The following ADGB variants were observed in gnomAD, a reference collection of about 807,000 sequenced individuals.
ADGB encodes androglobin.
In ADGB, 172 loss-of-function variants were observed where a neutral mutation model predicts 210.5. The ratio of observed to expected loss-of-function variants is 0.82; its 90% CI spans 0.72 to 0.93. ADGB has a LOEUF of 0.93. ADGB is among the 40% of genes least tolerant of loss of function. The pLI is 0.00. For synonymous variants in ADGB, 658 were observed against 662.7 expected, an observed-to-expected ratio of 0.99 and a Z score of 0.11; for missense variants, 2,025 against 1,964.8, an observed-to-expected ratio of 1.03 and a Z score of -0.58.
At chr6:146,657,314 A>G (rs1775799566) in intron 5 of ADGB, among the ~76,000 whole-genome samples, 1 of 63,374 alleles carries the variant, frequency 1.6e-5, no homozygotes, top group Admixed American at 1.8e-4. Flanking sequence ...AACAAGAGCA[A>G]AACTCCAAAA....
rs776804279 is a variant in ADGB, at chr6:146,807,621, G to A, written c.4818+5610G>A. On this transcript the variant is annotated intron_variant, in intron 35 of 35. Coordinates refer to ENST00000397944, the MANE Select transcript of ADGB (RefSeq NM_024694.4). ...TGTCCAATACCACCCTGCTTCTGGAGAGAAAAAATTTATTTGTAATGATCT... is the reference window on the plus strand; with the variant it reads ...TGTCCAATACCACCCTGCTTCTGGAAAGAAAAAATTTATTTGTAATGATCT... The A allele has an allele frequency of 8.7e-6, 13 of 1,490,074 alleles. No homozygotes were observed. The East Asian group carries it at 2.2e-4, about 26-fold the overall frequency. 92.3% of individuals were successfully genotyped at this position (1,490,074 alleles called of 1,614,324 possible). A position where few individuals can be genotyped will look rare whatever the true frequency, so the allele number is the denominator to read the frequency against.
chr6:146,641,589 T>C (rs1387411432), intron 2 of ADGB, among the ~76,000 whole-genome samples: 1 of 151,562 alleles, frequency 6.6e-6, no homozygotes, highest in African/African-American at 2.4e-5. Context: ...AGAGAGCCCA[T>C]AAGTAAGACC....
chr6:146,709,969 G>C (rs1776636802), intron 13 of ADGB, among the ~76,000 whole-genome samples: 1 of 151,980 alleles, frequency 6.6e-6, no homozygotes, highest in Non-Finnish European at 1.5e-5. Flanking sequence ...GCAAATACAG[G>C]AAAGTCTTGT....
At chr6:146,651,523 T>C (rs1583575136) in intron 3 of ADGB, among the ~76,000 whole-genome samples, 1 of 152,292 alleles carries the variant, frequency 6.6e-6, no homozygotes, top group Non-Finnish European at 1.5e-5. Flanking sequence ...GAAGGAAAAC[T>C]TGGTAGGCGA....
intron 3 of ADGB, among the ~76,000 whole-genome samples, chr6:146,650,144 A>G (rs1178526631): frequency 2.6e-5 from 4 of 152,202 alleles, no homozygotes; most frequent in Non-Finnish European, 5.9e-5. Context: ...AGGTAATCCT[A>G]TAATAGCTGT....
intron 1 of ADGB, among the ~76,000 whole-genome samples, chr6:146,606,638 T>C (rs754776810): frequency 6.6e-6 from 1 of 152,206 alleles, no homozygotes; most frequent in Non-Finnish European, 1.5e-5. Context: ...GTTATCCCAG[T>C]ACCATTTATT....
chr6:146,636,873 C>T (rs1775431396), intron 2 of ADGB, among the ~76,000 whole-genome samples: 1 of 151,910 alleles, frequency 6.6e-6, no homozygotes, highest in East Asian at 1.9e-4. Flanking sequence ...AACAAGTATC[C>T]TGGGAGTTTT....
At chr6:146,681,043 A>G (rs1414137996) in intron 9 of ADGB, among the ~76,000 whole-genome samples, 1 of 152,150 alleles carries the variant, frequency 6.6e-6, no homozygotes, top group Non-Finnish European at 1.5e-5. Context: ...GTCTCATTCT[A>G]TTGAAGACAA....
intron 8 of ADGB, among the ~76,000 whole-genome samples, chr6:146,674,699 T>C (rs188429117): frequency 2.0e-4 from 31 of 152,294 alleles, no homozygotes; most frequent in African/African-American, 7.0e-4. Context: ...TTTGCAGAAC[T>C]ATGGGAGGAT....
At chr6:146,800,213 G>C (rs1281951462) in intron 33 of ADGB, among the ~76,000 whole-genome samples, 1 of 151,956 alleles carries the variant, frequency 6.6e-6, no homozygotes, top group African/African-American at 2.4e-5. Context: ...TAAAAATAAT[G>C]ATCAAAACAC....
chr6:146,604,275 AG>A (rs1213851484), intron 1 of ADGB, among the ~76,000 whole-genome samples: 47 of 152,262 alleles, frequency 3.1e-4, no homozygotes, highest in Middle Eastern at 3.4e-3. Flanking sequence ...CCCTCCTAAA[AG>A]CCACCCCACT....
rs367804271 is a variant in ADGB, at chr6:146,724,386, G to GCAAATT, written c.2237+59_2237+60insCAAATT. 147 of 1,457,196 alleles carry GCAAATT rather than the reference G, an allele frequency of 1.0e-4. 2 individuals carry two copies. In the South Asian group the frequency reaches 1.3e-3, roughly 13 times the overall value. 90.3% of individuals were successfully genotyped at this position (1,457,196 alleles called of 1,614,324 possible). A position where few individuals can be genotyped will look rare whatever the true frequency, so the allele number is the denominator to read the frequency against. ...ATTGTTTGAAGGCTTGCAAATTGTTGGTTACTAAAGAAGTAAACAATATGG... is the reference window on the plus strand; with the variant it reads ...ATTGTTTGAAGGCTTGCAAATTGTTGCAAATTGTTACTAAAGAAGTAAACAATATGG... On this transcript the variant is annotated intron_variant, in intron 18 of 35. Coordinates refer to ENST00000397944, the MANE Select transcript of ADGB (RefSeq NM_024694.4).
chr6:146,619,541 T>G (rs1238746130), intron 1 of ADGB, among the ~76,000 whole-genome samples: 1 of 152,080 alleles, frequency 6.6e-6, no homozygotes, highest in South Asian at 2.1e-4. Context: ...GTGTATCTAT[T>G]ATAGGTTTTT....
At chr6:146,661,448 C>T (rs79181776) in intron 5 of ADGB, among the ~76,000 whole-genome samples, 2 of 151,818 alleles carry the variant, frequency 1.3e-5, no homozygotes, top group African/African-American at 4.8e-5. Flanking sequence ...GAATTCCTGA[C>T]CTCAAGTGAT....
At chr6:146,616,357 T>C (rs1409353813) in intron 1 of ADGB, among the ~76,000 whole-genome samples, 4 of 151,952 alleles carry the variant, frequency 2.6e-5, no homozygotes, top group Non-Finnish European at 5.9e-5. Flanking sequence ...TGAATATTTT[T>C]GCCCCTTCTG....
At position 146,664,281 on chromosome 6, in the gene ADGB, T is replaced by C. The variant is rs1348295526; in HGVS notation, c.693T>C (p.Tyr231=). The stretch of plus-strand genomic sequence containing the variant: ...ATCTATTGCTTCCAGCTACAACTTA[T>C]GAATTTGAACTGTGGCCAATGCTTT... ...DNNLLLPATT[Y]EFELWPMLLS... is the part of the protein sequence containing the mutation. The change falls in exon 6 of 36, where the codon TAT becomes TAC. Residue 231 remains tyrosine (Y), a synonymous_variant. Transcript: ENST00000397944. 1.9e-6 allele frequency: 3 copies of C among 1,550,162 alleles called. No individual in the cohort carries two copies. Among genetic ancestry groups the C allele is most frequent in the South Asian group, 1.2e-5 (1 of 83,982 alleles).
intron 26 of ADGB, among the ~76,000 whole-genome samples, chr6:146,750,643 GAT>G (rs1438255676): frequency 6.6e-6 from 1 of 152,126 alleles, no homozygotes; most frequent in Non-Finnish European, 1.5e-5. Flanking sequence ...ATTAAAAGTT[GAT>G]AGAGTCCTAA....
chr6:146,789,141 C>T (rs1382000810), intron 33 of ADGB, among the ~76,000 whole-genome samples: 2 of 152,194 alleles, frequency 1.3e-5, no homozygotes, highest in East Asian at 3.8e-4. Flanking sequence ...TTTCCACACT[C>T]CTGGTTTCCA....
At chr6:146,621,928 A>G (rs1780900984) in intron 1 of ADGB, among the ~76,000 whole-genome samples, 1 of 152,116 alleles carries the variant, frequency 6.6e-6, no homozygotes, top group Non-Finnish European at 1.5e-5. Context: ...TGGCTATATC[A>G]TATGGTATTA....
Sources: gnomAD v4.1 joint callset for allele counts (sites outside exome capture counted in the v4.1 genomes callset) on GRCh38, gnomAD v4.1.1 for gene constraint, MANE v1.5 for transcripts, NCBI Gene and HGNC (gene_info 2026-07-23, HGNC 2026-07-21) for gene names.